Variants in ADAMTS14 observed in about 807,000 individuals in gnomAD.
ADAMTS14 encodes ADAM metallopeptidase with thrombospondin type 1 motif 14.
ADAMTS14 carries 100 observed loss-of-function variants against 128.6 expected under a neutral mutation model. The observed-to-expected ratio is 0.78, with a 90% CI of 0.66 to 0.92. The LOEUF (loss-of-function observed/expected upper bound fraction) is 0.92. Among genes scored for constraint, ADAMTS14 ranks in the 40% least tolerant of loss-of-function variants. The pLI is 0.00. For missense variants in ADAMTS14, 1,562 were observed against 1,658.6 expected, an observed-to-expected ratio of 0.94 and a Z score of 1.01; for synonymous variants, 665 against 653.8, an observed-to-expected ratio of 1.02 and a Z score of -0.26.
chr10:70,702,485 G>C lies in ADAMTS14; in HGVS notation c.679+17G>C. The C allele has an allele frequency of 1.3e-6, 2 of 1,586,180 alleles. No individual in the cohort carries two copies. The highest frequency in any genetic ancestry group is 1.7e-6 in the Non-Finnish European group (2 of 1,165,890). On this transcript the variant is annotated intron_variant, in intron 3 of 21. Transcript: ENST00000373207. The stretch of plus-strand genomic sequence containing the variant: ...ACAATGAAGGTAGGCTGTAGGTAGG[G>C]GCCTGTGTGCTGCTTCTCTCCCTAC...
chr10:70,739,020 C>T (rs369100038), intron 11 of ADAMTS14, 30 bp downstream of exon 11: 133 of 1,573,894 alleles, frequency 8.5e-5, no homozygotes, highest in Non-Finnish European at 1.1e-4. Flanking sequence ...GTGGGGAGGG[C>T]AGGGAGTCCC....
intron 4 of ADAMTS14, among the ~76,000 whole-genome samples, chr10:70,710,644 C>A (rs1193553686): frequency 6.6e-6 from 1 of 152,246 alleles, no homozygotes; most frequent in Non-Finnish European, 1.5e-5. Context: ...TCGGCCCCTT[C>A]CTGTCTTTGT....
chr10:70,756,363 C>T (rs532216013), intron 19 of ADAMTS14, among the ~76,000 whole-genome samples: 56 of 152,266 alleles, frequency 3.7e-4, no homozygotes, highest in African/African-American at 1.2e-3. Flanking sequence ...TAATATATAG[C>T]TTCATTTGTT....
intron 7 of ADAMTS14, among the ~76,000 whole-genome samples, chr10:70,733,641 G>A (rs928945508): frequency 1.3e-5 from 2 of 152,222 alleles, no homozygotes; most frequent in African/African-American, 4.8e-5. Context: ...GAAGGGGTGG[G>A]TGTCTGGGAG....
At chr10:70,706,378 G>A (rs566624066) in intron 3 of ADAMTS14, among the ~76,000 whole-genome samples, 1 of 152,342 alleles carries the variant, frequency 6.6e-6, no homozygotes, top group East Asian at 1.9e-4. Flanking sequence ...GCTCTGAGGG[G>A]TCAAGTGTGG....
chr10:70,733,834 C>T (rs559929695), intron 7 of ADAMTS14, 51 bp from the exon 8 acceptor site: 167 of 1,565,718 alleles, frequency 1.1e-4, no homozygotes, highest in East Asian at 5.8e-4. Context: ...CCTGCCTTCC[C>T]GGGGCAGGCT....
chr10:70,735,402 C>A, intron 9 of ADAMTS14, 101 bp downstream of exon 9: 1 of 1,478,580 alleles, frequency 6.8e-7, no homozygotes, highest in East Asian at 2.4e-5. Context: ...CCCAGCTGGC[C>A]AGTGGGCCTG....
At chr10:70,755,785 G>T (rs71477511) in intron 19 of ADAMTS14, among the ~76,000 whole-genome samples, 38,638 of 152,142 alleles carry the variant, frequency 0.25, 5,092 homozygotes, top group Admixed American at 0.28. Context: ...GGAGGCAGAG[G>T]TTGCAGTGAG....
At chr10:70,732,149 C>T in intron 6 of ADAMTS14, 105 bp from the exon 7 acceptor site, 1 of 985,504 alleles carries the variant, frequency 1.0e-6, no homozygotes, top group Non-Finnish European at 1.6e-6. Context: ...GGAACGTCCC[C>T]ACTCCAAGCA....
At chr10:70,684,067 G>A (rs1427461110) in intron 2 of ADAMTS14, among the ~76,000 whole-genome samples, 3 of 151,982 alleles carry the variant, frequency 2.0e-5, no homozygotes, top group Non-Finnish European at 2.9e-5. Context: ...CTACTGGGGA[G>A]GCCTGAGGAA....
intron 4 of ADAMTS14, among the ~76,000 whole-genome samples, chr10:70,712,059 G>T (rs114011331): frequency 6.6e-6 from 1 of 151,838 alleles, no homozygotes; most frequent in African/African-American, 2.4e-5. Flanking sequence ...GAAAGAGAGA[G>T]GGAGGGGAGG....
chr10:70,759,131 C>CTTTTTTTTTTTTTTTTTTTTTTTTTT (rs1564563850), intron 21 of ADAMTS14, among the ~76,000 whole-genome samples: 1 of 121,170 alleles, frequency 8.3e-6, no homozygotes, highest in African/African-American at 3.1e-5. Flanking sequence ...CAATCTTCTA[C>CTTTTTTTTTTTTTTTTTTTTTTTTTT]TTCTCTGCTC....
chr10:70,727,472 G>A (rs1024050996), intron 4 of ADAMTS14, among the ~76,000 whole-genome samples: 1 of 152,232 alleles, frequency 6.6e-6, no homozygotes, highest in Non-Finnish European at 1.5e-5. Context: ...CAGCTCCTAG[G>A]AAGCCATGTG....
intron 2 of ADAMTS14, among the ~76,000 whole-genome samples, chr10:70,695,305 C>A (rs991990389): frequency 1.3e-5 from 2 of 152,164 alleles, no homozygotes; most frequent in Non-Finnish European, 2.9e-5. Context: ...TGCACCCCCA[C>A]CTTACCCCCA....
intron 2 of ADAMTS14, among the ~76,000 whole-genome samples, chr10:70,686,877 G>T (rs1229823326): frequency 3.4e-4 from 31 of 91,030 alleles, no homozygotes; most frequent in African/African-American, 1.1e-3. Flanking sequence ...TGGGCGGGGG[G>T]GGCTGACCCC....
chr10:70,732,305 A>G lies in ADAMTS14; in HGVS notation c.1154A>G (p.Asn385Ser). Residue 385 changes from asparagine to serine, a missense_variant, in exon 7 of 22, where the codon AAC (asparagine) becomes AGC (serine). Transcript: ENST00000373207. ...MCHPLRSCAL[N>S]HEDGFSSAFV... ...CACCCCCTGAGGAGCTGTGCCCTCA[A>G]CCATGAGGATGGCTTCTCCTCAGCC... is the stretch of plus-strand genomic sequence containing the variant. The G allele has an allele frequency of 6.2e-7, 1 of 1,614,204 alleles. No individual in the cohort carries two copies. Among genetic ancestry groups the G allele is most frequent in the Non-Finnish European group, 8.5e-7 (1 of 1,180,022 alleles).
chr10:70,759,373 G>A (rs926246460), intron 21 of ADAMTS14, among the ~76,000 whole-genome samples: 1 of 151,686 alleles, frequency 6.6e-6, no homozygotes, highest in African/African-American at 2.4e-5. Context: ...CTCTCTCTCT[G>A]GCAAAAATTA....
chr10:70,715,833 G>A (rs1439253091), intron 4 of ADAMTS14, among the ~76,000 whole-genome samples: 3 of 152,188 alleles, frequency 2.0e-5, no homozygotes, highest in African/African-American at 7.2e-5. Flanking sequence ...AAGAGACCAC[G>A]TGGATGGTGG....
intron 1 of ADAMTS14, among the ~76,000 whole-genome samples, chr10:70,673,264 G>GGTGTAT (rs1218432010): frequency 7.3e-5 from 9 of 123,024 alleles, no homozygotes; most frequent in Admixed American, 2.3e-4. Flanking sequence ...GGGTGCAAGG[G>GGTGTAT]GTGTGTGTGT....
Sources: allele counts gnomAD v4.1 joint callset (sites outside exome capture counted in the v4.1 genomes callset), GRCh38; gene constraint gnomAD v4.1.1; transcripts MANE v1.5; gene names NCBI Gene and HGNC (gene_info 2026-07-23, HGNC 2026-07-21).